The following YWHAH variants were observed in gnomAD, a reference collection of about 807,000 sequenced individuals.
The protein encoded by YWHAH is tyrosine 3-monooxygenase/tryptophan 5-monooxygenase activation protein eta.
YWHAH carries 6 observed loss-of-function variants against 22.9 expected under a neutral mutation model. That is an observed-to-expected ratio of 0.26 (90% CI 0.14 to 0.52). YWHAH has a LOEUF of 0.52. Among genes scored for constraint, YWHAH ranks in the 20% least tolerant of loss-of-function variants. The pLI, the probability that YWHAH is intolerant of heterozygous loss-of-function variation, is 0.97. For synonymous variants in YWHAH, 135 were observed against 124.5 expected, an observed-to-expected ratio of 1.08 and a Z score of -0.56; for missense variants, 173 against 308.6, an observed-to-expected ratio of 0.56 and a Z score of 3.29.
intron 1 of YWHAH, among the ~76,000 whole-genome samples, chr22:31,948,939 C>T (rs774500090): frequency 2.0e-5 from 3 of 152,200 alleles, no homozygotes; most frequent in South Asian, 2.1e-4. Context: ...TTCCACAGTC[C>T]GGAACTGACT....
chr22:31,947,947 T>A (rs910135765), intron 1 of YWHAH, among the ~76,000 whole-genome samples: 1 of 152,244 alleles, frequency 6.6e-6, no homozygotes, highest in South Asian at 2.1e-4. Flanking sequence ...TGTAAAGTTA[T>A]CAAATGTAAA....
At chr22:31,945,634 T>A in intron 1 of YWHAH, 1 of 1,294,176 alleles carries the variant, frequency 7.7e-7, no homozygotes, top group South Asian at 1.2e-5. Context: ...ATTTCTGAGT[T>A]CCGGTTACCA....
intron 1 of YWHAH, among the ~76,000 whole-genome samples, chr22:31,948,340 G>A (rs1479679229): frequency 6.6e-6 from 1 of 152,104 alleles, no homozygotes; most frequent in African/African-American, 2.4e-5. Context: ...CCCCAGGTGA[G>A]ACAGATCAGT....
intron 1 of YWHAH, among the ~76,000 whole-genome samples, chr22:31,952,672 A>G (rs2093844866): frequency 6.6e-6 from 1 of 152,244 alleles, no homozygotes; most frequent in Non-Finnish European, 1.5e-5. Flanking sequence ...ACTGGCAGGC[A>G]ACCAGATGAT....
At chr22:31,944,914 G>T in intron 1 of YWHAH, 94 bp downstream of exon 1, 1 of 1,152,060 alleles carries the variant, frequency 8.7e-7, no homozygotes, top group Non-Finnish European at 1.1e-6. Context: ...TCCCGGCCAT[G>T]GGCGACCCGG....
At chr22:31,952,855 A>G (rs2093845079) in intron 1 of YWHAH, among the ~76,000 whole-genome samples, 1 of 152,230 alleles carries the variant, frequency 6.6e-6, no homozygotes, top group African/African-American at 2.4e-5. Flanking sequence ...TTATTGGTGC[A>G]CAGGAAAAAC....
intron 1 of YWHAH, chr22:31,945,113 C>T (rs1423965374): frequency 1.1e-5 from 12 of 1,075,378 alleles, no homozygotes; most frequent in African/African-American, 1.7e-5. Flanking sequence ...GGAACCCGGC[C>T]GGGGGCAGAG....
At chr22:31,953,141 A>C (rs2093845399) in intron 1 of YWHAH, among the ~76,000 whole-genome samples, 1 of 152,214 alleles carries the variant, frequency 6.6e-6, no homozygotes, top group South Asian at 2.1e-4. Context: ...TCACAGAAGC[A>C]GCTTTGTTAG....
Position 31,956,113 on chromosome 22 carries a change from A to T in YWHAH, c.88-26A>T, listed in dbSNP as rs375239461. The T allele has an allele frequency of 1.9e-6, 3 of 1,560,700 alleles. No individual in the cohort carries two copies. The highest frequency in any genetic ancestry group is 2.6e-6 in the Non-Finnish European group (3 of 1,157,286). ...CCAAGATTTTCAGATTTTGCTTTCA[A>T]TGTTTATCTTTTTGGGGTTTTGCAG... On this transcript the variant is annotated intron_variant, in intron 1 of 1. Transcript: ENST00000248975. This position sits in a 1 kb window ranked among gnomAD's most constrained non-coding sequence, Gnocchi z 5.1.
At chr22:31,948,181 A>G (rs1451103633) in intron 1 of YWHAH, among the ~76,000 whole-genome samples, 1 of 152,242 alleles carries the variant, frequency 6.6e-6, no homozygotes, top group Admixed American at 6.5e-5. Flanking sequence ...TCTTAAGTGC[A>G]GGAAACAAAA....
intron 1 of YWHAH, among the ~76,000 whole-genome samples, chr22:31,954,638 C>G (rs962746733): frequency 6.6e-6 from 1 of 152,146 alleles, no homozygotes; most frequent in Non-Finnish European, 1.5e-5. Flanking sequence ...AGGGAAGAAT[C>G]CTTCCTAGGC....
chr22:31,945,342 C>T, intron 1 of YWHAH: 7 of 1,245,040 alleles, frequency 5.6e-6, no homozygotes, highest in Non-Finnish European at 6.2e-6. Context: ...CATCTTCCCA[C>T]GCCTGGGGGT....
At position 31,950,525 on chromosome 22, in the gene YWHAH, GTGT is replaced by G. The variant is rs1464785375; in HGVS notation, c.88-5610_88-5608del. ...AGCATGCAGTAATGCCATTCAGATG[GTGT>G]TGTATTTAATCCTTGCCAATCCCCA... On this transcript the variant is annotated intron_variant, in intron 1 of 1. Transcript: ENST00000248975. 3 of 618,558 alleles carry G rather than the reference GTGT, an allele frequency of 4.8e-6. No individual in the cohort carries two copies. In the African/African-American group the frequency reaches 5.5e-5, roughly 11 times the overall value. 38.3% of individuals were successfully genotyped at this position (618,558 alleles called of 1,614,324 possible).
chr22:31,945,133 G>C (rs1197192404), intron 1 of YWHAH: 1 of 1,088,232 alleles, frequency 9.2e-7, no homozygotes, highest in Non-Finnish European at 1.1e-6. Context: ...GGGTGCCCTA[G>C]GGGACGCGAA....
At chr22:31,948,613 A>G (rs1016503216) in intron 1 of YWHAH, among the ~76,000 whole-genome samples, 3 of 152,158 alleles carry the variant, frequency 2.0e-5, no homozygotes. Flanking sequence ...GGCCTCAAGC[A>G]GTCCTCCTGC....
At chr22:31,951,047 C>T (rs2093842584) in intron 1 of YWHAH, among the ~76,000 whole-genome samples, 1 of 152,130 alleles carries the variant, frequency 6.6e-6, no homozygotes, top group Non-Finnish European at 1.5e-5. Flanking sequence ...TGCACGCCAC[C>T]ATGCCCAGCT....
rs1410326350 is a variant in YWHAH at position 31,957,131 on chromosome 22, T to G, written c.*339T>G. On this transcript the variant is annotated 3_prime_UTR_variant, in exon 2 of 2. Transcript: ENST00000248975. ...AGCCAACCAGGCTACAGTTGATATTTAAAAGATCCATTTAAAACAAGCTGA... is the reference window on the plus strand; with the variant it reads ...AGCCAACCAGGCTACAGTTGATATTGAAAAGATCCATTTAAAACAAGCTGA... The G allele has an allele frequency of 4.8e-6, 1 of 210,186 alleles. No homozygotes were observed. Among genetic ancestry groups the G allele is most frequent in the Non-Finnish European group, 9.7e-6 (1 of 103,468 alleles). 13.0% of individuals were successfully genotyped at this position (210,186 alleles called of 1,614,324 possible). A position where few individuals can be genotyped will look rare whatever the true frequency, so the allele number is the denominator to read the frequency against.
At chr22:31,951,254 C>T (rs1305172071) in intron 1 of YWHAH, among the ~76,000 whole-genome samples, 3 of 152,150 alleles carry the variant, frequency 2.0e-5, no homozygotes, top group Non-Finnish European at 4.4e-5. Context: ...TACACACACA[C>T]TTCTGCCAAA....
chr22:31,955,855 G>A (rs531090603), intron 1 of YWHAH, among the ~76,000 whole-genome samples: 1 of 152,298 alleles, frequency 6.6e-6, no homozygotes, highest in African/African-American at 2.4e-5. Flanking sequence ...CCTCTACCAA[G>A]GTGAAAGCAA....
Sources: gnomAD v4.1 joint callset for allele counts (sites outside exome capture counted in the v4.1 genomes callset) on GRCh38, gnomAD v4.1.1 for gene constraint, Gnocchi (gnomAD v3.1) non-coding constraint, MANE v1.5 for transcripts, NCBI Gene and HGNC (gene_info 2026-07-23, HGNC 2026-07-21) for gene names.